AGBL1: variants seen among roughly 807,000 people sequenced by gnomAD.
AGBL1 encodes cytosolic carboxypeptidase 4.
In AGBL1, 130 loss-of-function variants were observed where a neutral mutation model predicts 118.9. That is an observed-to-expected ratio of 1.09 (90% CI 0.95 to 1.26). AGBL1 has a LOEUF of 1.26. AGBL1 is among the 50% of genes most tolerant of loss of function. The pLI is 0.00. For synonymous variants in AGBL1, 555 were observed against 478.9 expected (o/e 1.16, Z -2.08); for missense variants, 1,584 against 1,298.1 (o/e 1.22, Z -3.38).
At chr15:86,982,658 A>G (rs867141752) in intron 23 of AGBL1, among the ~76,000 whole-genome samples, 12 of 152,300 alleles carry the variant, frequency 7.9e-5, no homozygotes, top group African/African-American at 2.6e-4. Flanking sequence ...GACCTTTATG[A>G]TGATTCACTT....
At chr15:86,537,498 A>G (rs1436456742) in intron 19 of AGBL1, among the ~76,000 whole-genome samples, 1 of 152,254 alleles carries the variant, frequency 6.6e-6, no homozygotes, top group Non-Finnish European at 1.5e-5. Context: ...GAATCTTCCC[A>G]GGAACTCACT....
At chr15:86,390,627 A>G (rs1385034572) in intron 17 of AGBL1, among the ~76,000 whole-genome samples, 4 of 151,736 alleles carry the variant, frequency 2.6e-5, no homozygotes, top group Non-Finnish European at 5.9e-5. Context: ...TGCTAAGTTA[A>G]AGAAGCCAGG....
intron 22 of AGBL1, among the ~76,000 whole-genome samples, chr15:86,692,000 T>C (rs556221076): frequency 1.3e-5 from 2 of 151,962 alleles, no homozygotes; most frequent in Non-Finnish European, 1.5e-5. Flanking sequence ...AAAGAGCAAT[T>C]TGAGGCTTGT....
chr15:86,757,926 C>T (rs915211866), intron 22 of AGBL1, among the ~76,000 whole-genome samples: 3 of 152,086 alleles, frequency 2.0e-5, no homozygotes, highest in African/African-American at 7.2e-5. Context: ...ACATTTTATT[C>T]CACTTTGTAG....
At chr15:86,294,697 T>A (rs2079604293) in intron 16 of AGBL1, among the ~76,000 whole-genome samples, 1 of 152,192 alleles carries the variant, frequency 6.6e-6, no homozygotes, top group African/African-American at 2.4e-5. Flanking sequence ...AACCACATTT[T>A]TTTTTAATTT....
intron 22 of AGBL1, among the ~76,000 whole-genome samples, chr15:86,777,181 C>T (rs1045218360): frequency 3.9e-5 from 6 of 152,052 alleles, no homozygotes; most frequent in African/African-American, 7.2e-5. Flanking sequence ...GTGCCAAACT[C>T]TCATATACAT....
intron 12 of AGBL1, 53 bp downstream of exon 12, chr15:86,266,510 G>T: frequency 1.6e-6 from 2 of 1,276,864 alleles, no homozygotes; most frequent in Non-Finnish European, 2.2e-6. Flanking sequence ...TTCTCTTAAT[G>T]GCATGAGAAT....
chr15:87,031,441 A>G (rs1179888287), downstream of AGBL1, among the ~76,000 whole-genome samples: 5 of 151,784 alleles, frequency 3.3e-5, no homozygotes, highest in African/African-American at 1.2e-4. Flanking sequence ...CAGATAAAAA[A>G]TGTAACTTCA....
intron 18 of AGBL1, among the ~76,000 whole-genome samples, chr15:86,513,057 C>T (rs1378630062): frequency 6.6e-6 from 1 of 151,712 alleles, no homozygotes; most frequent in Non-Finnish European, 1.5e-5. Flanking sequence ...TACCTAAATG[C>T]TAACATTTTA....
chr15:86,240,294 A>G (rs1165168044), intron 6 of AGBL1, among the ~76,000 whole-genome samples: 1 of 152,228 alleles, frequency 6.6e-6, no homozygotes, highest in East Asian at 1.9e-4. Context: ...CTGATGGCAG[A>G]CAGCTTATTT....
At chr15:86,501,702 C>T (rs1416158947) in intron 18 of AGBL1, among the ~76,000 whole-genome samples, 8 of 151,502 alleles carry the variant, frequency 5.3e-5, no homozygotes, top group Admixed American at 5.3e-4. Flanking sequence ...GTTGAAAAGG[C>T]TATTTTTTCC....
chr15:86,185,516 T>A (rs1451716557), intron 5 of AGBL1, among the ~76,000 whole-genome samples: 1 of 152,056 alleles, frequency 6.6e-6, no homozygotes, highest in Non-Finnish European at 1.5e-5. Flanking sequence ...CAAATGTCCA[T>A]CAATGATAGA....
chr15:87,025,310 A>G (rs560462106), intron 24 of AGBL1, among the ~76,000 whole-genome samples: 7 of 152,208 alleles, frequency 4.6e-5, no homozygotes, highest in African/African-American at 1.7e-4. Context: ...ATGTACACAA[A>G]TCAGTAGCTC....
At chr15:86,172,078 T>A (rs942351764) in intron 5 of AGBL1, among the ~76,000 whole-genome samples, 1 of 152,066 alleles carries the variant, frequency 6.6e-6, no homozygotes, top group Admixed American at 6.6e-5. Context: ...AGACTACGCA[T>A]TGGGTACAGT....
chr15:86,899,116 T>C (rs879856200), intron 22 of AGBL1, among the ~76,000 whole-genome samples: 7 of 152,010 alleles, frequency 4.6e-5, no homozygotes, highest in Non-Finnish European at 1.0e-4. Flanking sequence ...CGATACACAA[T>C]AGCAAAGACA....
chr15:86,794,390 C>T (rs1596486938), intron 22 of AGBL1, among the ~76,000 whole-genome samples: 1 of 151,950 alleles, frequency 6.6e-6, no homozygotes, highest in East Asian at 1.9e-4. Flanking sequence ...ATGGAATGGC[C>T]AAAATAGGCA....
In AGBL1 at chr15:86,332,627, C is replaced by G. The variant is rs529122385; in HGVS notation, c.2374+37219C>G. Reference sequence around the variant, plus strand: ...CGCCACTGCACTCCAGCCTGGGCGACAGAGTGAGACTCCATCTCAAAAAAA... The same window carrying G: ...CGCCACTGCACTCCAGCCTGGGCGAGAGAGTGAGACTCCATCTCAAAAAAA... On this transcript the variant is annotated intron_variant, in intron 17 of 22. Transcript: ENST00000614907. Among the ~76,000 whole-genome samples, 5 of 127,912 alleles carry G rather than the reference C, an allele frequency of 3.9e-5. No homozygotes were observed. In the South Asian group the frequency reaches 1.3e-3, roughly 33 times the overall value. 83.9% of individuals were successfully genotyped at this position (127,912 alleles called of 152,430 possible). A position where few individuals can be genotyped will look rare whatever the true frequency, so the allele number is the denominator to read the frequency against.
At chr15:86,326,292 C>T (rs2080181643) in intron 17 of AGBL1, among the ~76,000 whole-genome samples, 1 of 152,110 alleles carries the variant, frequency 6.6e-6, no homozygotes, top group African/African-American at 2.4e-5. Context: ...GAAATGCAGA[C>T]TTATCAGTCT....
rs35322996 is a variant in AGBL1, at chr15:86,716,065, CAA to C, written c.3158+41645_3158+41646del. 5.0e-3 allele frequency among the ~76,000 whole-genome samples: 551 copies of C among 109,750 alleles called. 3 individuals carry two copies. Among genetic ancestry groups the C allele is most frequent in the African/African-American group, 0.012 (394 of 31,766 alleles). 72.0% of individuals were successfully genotyped at this position (109,750 alleles called of 152,430 possible). ...TGGGCAACAGAGCAAGACTCCGTCT[CAA>C]AAAAAAAAAAAAAAAGAAATCAGTT... On this transcript the variant is annotated intron_variant, in intron 22 of 22. Coordinates refer to ENST00000614907, the MANE Select transcript of AGBL1 (RefSeq NM_001386094.1).
Sources: allele counts gnomAD v4.1 joint callset (sites outside exome capture counted in the v4.1 genomes callset), GRCh38; gene constraint gnomAD v4.1.1; transcripts MANE v1.5; gene names NCBI Gene and HGNC (gene_info 2026-07-23, HGNC 2026-07-21).